Variants in IQCM observed in about 807,000 individuals in gnomAD.
The protein encoded by IQCM is IQ motif containing M.
A neutral mutation model predicts 57.6 loss-of-function variants in IQCM; 45 were observed. The observed-to-expected ratio is 0.78, with a 90% CI of 0.62 to 1.00. The LOEUF (loss-of-function observed/expected upper bound fraction) is 1.00. Ranked by LOEUF, IQCM falls within the 50% of genes least tolerant of loss-of-function variation. The pLI is 0.00. For missense variants in IQCM, 468 were observed against 511.6 expected, an observed-to-expected ratio of 0.91 and a Z score of 0.82; for synonymous variants, 148 against 158.9, an observed-to-expected ratio of 0.93 and a Z score of 0.51.
chr4:149,492,318 G>A (rs759622596), intron 12 of IQCM, among the ~76,000 whole-genome samples: 20 of 151,964 alleles, frequency 1.3e-4, no homozygotes, highest in Non-Finnish European at 2.6e-4. Context: ...GAAGTGGAAA[G>A]GGAAAAAAAG....
intron 12 of IQCM, among the ~76,000 whole-genome samples, chr4:149,548,217 T>A (rs1748652204): frequency 6.6e-6 from 1 of 152,068 alleles, no homozygotes; most frequent in Admixed American, 6.5e-5. Context: ...TCTTCCATCT[T>A]CCTCCAAAAA....
At chr4:149,729,661 G>A (rs1409714071) in intron 5 of IQCM, among the ~76,000 whole-genome samples, 1 of 151,968 alleles carries the variant, frequency 6.6e-6, no homozygotes, top group Non-Finnish European at 1.5e-5. Context: ...TTTTAGCAGA[G>A]ACAGGGTTTC....
chr4:149,527,167 C>T, intron 12 of IQCM, among the ~76,000 whole-genome samples: 1 of 152,114 alleles, frequency 6.6e-6, no homozygotes, highest in East Asian at 1.9e-4. Flanking sequence ...TGGTGCTGGC[C>T]ACACATACCA....
At chr4:149,380,122 T>C (rs1190342878) in intron 13 of IQCM, among the ~76,000 whole-genome samples, 1 of 152,144 alleles carries the variant, frequency 6.6e-6, no homozygotes, top group African/African-American at 2.4e-5. Context: ...TAAACCTCTT[T>C]CTTTTGTAAA....
intron 7 of IQCM, among the ~76,000 whole-genome samples, chr4:149,647,702 A>G (rs758899859): frequency 2.0e-5 from 3 of 151,632 alleles, no homozygotes; most frequent in Non-Finnish European, 4.4e-5. Context: ...CATCTTCACT[A>G]TGATTTCAAA....
At chr4:149,494,540 C>G (rs1347231973) in intron 12 of IQCM, among the ~76,000 whole-genome samples, 1 of 152,116 alleles carries the variant, frequency 6.6e-6, no homozygotes, top group African/African-American at 2.4e-5. Flanking sequence ...AGCAAGAACT[C>G]AAGGCACTTG....
intron 12 of IQCM, among the ~76,000 whole-genome samples, chr4:149,539,923 A>T (rs1420154532): frequency 6.6e-6 from 1 of 152,148 alleles, no homozygotes; most frequent in African/African-American, 2.4e-5. Context: ...ATTGACTAAT[A>T]AGTGCCAATA....
chr4:149,477,567 G>A (rs1465685141), intron 12 of IQCM, among the ~76,000 whole-genome samples: 1 of 152,182 alleles, frequency 6.6e-6, no homozygotes, highest in African/African-American at 2.4e-5. Flanking sequence ...GGTGGGGGCT[G>A]GAAGAAGACA....
chr4:149,398,021 T>C (rs1560802705), intron 13 of IQCM, among the ~76,000 whole-genome samples: 1 of 152,060 alleles, frequency 6.6e-6, no homozygotes, highest in Non-Finnish European at 1.5e-5. Flanking sequence ...TTTTCCCTTA[T>C]GTTTTCTTCT....
At chr4:149,707,495 A>C (rs1162714747) in intron 5 of IQCM, among the ~76,000 whole-genome samples, 1 of 151,942 alleles carries the variant, frequency 6.6e-6, no homozygotes, top group East Asian at 1.9e-4. Context: ...TTTGCTCTCT[A>C]TCCAGGCATT....
At chr4:149,450,258 A>G (rs1309089424) in intron 12 of IQCM, among the ~76,000 whole-genome samples, 1 of 151,866 alleles carries the variant, frequency 6.6e-6, no homozygotes, top group Admixed American at 6.6e-5. Flanking sequence ...TGAAACTACT[A>G]CCAGAAAACA....
intron 12 of IQCM, among the ~76,000 whole-genome samples, chr4:149,465,825 A>T (rs937277039): frequency 2.3e-4 from 35 of 152,054 alleles, no homozygotes; most frequent in Non-Finnish European, 4.7e-4. Context: ...AGAAAAAAAA[A>T]TAGTAGGGAA....
At chr4:149,785,511 AC>A (rs1477024236) in intron 2 of IQCM, among the ~76,000 whole-genome samples, 3 of 152,150 alleles carry the variant, frequency 2.0e-5, no homozygotes, top group African/African-American at 7.2e-5. Flanking sequence ...TCAAACTTTG[AC>A]AAAGAAAAAT....
At chr4:149,367,647 T>A (rs2110953094) in intron 13 of IQCM, among the ~76,000 whole-genome samples, 1 of 152,134 alleles carries the variant, frequency 6.6e-6, no homozygotes, top group African/African-American at 2.4e-5. Flanking sequence ...AGTATGCTCT[T>A]ATTTCCAGCA....
At chr4:149,634,166 C>A (rs537509067) in intron 7 of IQCM, among the ~76,000 whole-genome samples, 1 of 152,054 alleles carries the variant, frequency 6.6e-6, no homozygotes, top group Admixed American at 6.6e-5. Flanking sequence ...CACGCCACCA[C>A]ACCTGGCTAA....
chr4:149,565,381 T>C (rs1333197256), intron 9 of IQCM, among the ~76,000 whole-genome samples: 1 of 152,220 alleles, frequency 6.6e-6, no homozygotes, highest in Non-Finnish European at 1.5e-5. Flanking sequence ...ATGATTTTGA[T>C]TATTTGACCC....
chr4:149,686,297 A>T (rs1762543154), intron 6 of IQCM, 81 bp downstream of exon 6: 1 of 582,564 alleles, frequency 1.7e-6, no homozygotes, highest in African/African-American at 1.9e-5. Context: ...AAAACTTGAG[A>T]GACCATGACA....
chr4:149,669,908 C>T (rs1761101467), intron 7 of IQCM, among the ~76,000 whole-genome samples: 1 of 152,134 alleles, frequency 6.6e-6, no homozygotes, highest in African/African-American at 2.4e-5. Flanking sequence ...AGTCAGGTAG[C>T]ATGATGCCTC....
chr4:149,597,887 C>G (rs1410703798), intron 8 of IQCM, among the ~76,000 whole-genome samples: 1 of 151,802 alleles, frequency 6.6e-6, no homozygotes, highest in Non-Finnish European at 1.5e-5. Context: ...CACCTCATAA[C>G]AACAAAATAA....
Sources: allele counts gnomAD v4.1 joint callset (sites outside exome capture counted in the v4.1 genomes callset), GRCh38; gene constraint gnomAD v4.1.1; transcripts MANE v1.5; gene names NCBI Gene and HGNC (gene_info 2026-07-23, HGNC 2026-07-21).